Variants in F10 observed in about 807,000 individuals in gnomAD.
F10 encodes the protein Stuart-Prower factor.
A neutral mutation model predicts 37.1 loss-of-function variants in F10; 29 were observed. The ratio of observed to expected loss-of-function variants is 0.78; its 90% confidence interval spans 0.58 to 1.07. The LOEUF (loss-of-function observed/expected upper bound fraction) is 1.07, where lower values mean the gene tolerates loss of function less well. Among genes scored for constraint, F10 ranks in the 50% least tolerant of loss-of-function variants. The pLI is 0.00. For synonymous variants in F10, 262 were observed against 268.6 expected, an observed-to-expected ratio of 0.98 and a Z score of 0.24; for missense variants, 539 against 667.9, an observed-to-expected ratio of 0.81 and a Z score of 2.13.
intron 7 of F10, 85 bp downstream of exon 7, chr13:113,147,581 G>C: frequency 1.2e-6 from 1 of 869,078 alleles, no homozygotes; most frequent in South Asian, 1.3e-5. Context: ...GATGGAATTT[G>C]TTGGGAACAC....
rs3211786 is a variant in F10, at chr13:113,144,848, G to A, written c.747+753G>A. Among the ~76,000 whole-genome samples, 601 of 150,806 alleles carry A rather than the reference G, an allele frequency of 4.0e-3. 4 individuals are homozygous for A. Among genetic ancestry groups the A allele is most frequent in the African/African-American group, 0.014 (585 of 40,922 alleles). ...CATGCCTCAGACTCCCAAGTAGCTG[G>A]AATTACGGGCGCCCGCTACTTACGC... On this transcript the variant is annotated intron_variant, in intron 6 of 7. Coordinates refer to ENST00000375559, the MANE Select transcript of F10 (RefSeq NM_000504.4). The surrounding 1 kb of genome is among the most constrained non-coding windows in gnomAD (Gnocchi z 6.4).
chr13:113,124,748 T>C (rs970209389), intron 1 of F10, among the ~76,000 whole-genome samples: 2 of 152,264 alleles, frequency 1.3e-5, no homozygotes, highest in Non-Finnish European at 2.9e-5. Flanking sequence ...CTGGTACTGC[T>C]ACAAGAAAGG....
chr13:113,143,699 A>ATTAATGT lies in F10; in HGVS notation c.503-152_503-151insTTAATGT. The ATTAATGT allele has an allele frequency of 8.3e-7, 1 of 1,203,578 alleles. No individual in the cohort carries two copies. Among genetic ancestry groups the ATTAATGT allele is most frequent in the South Asian group, 1.4e-5 (1 of 71,414 alleles). 74.6% of individuals were successfully genotyped at this position (1,203,578 alleles called of 1,614,324 possible). ...CCTGCAGATCCGACCCCTGCCGACG[A>ATTAATGT]CGTGGGGCCTCGCCCTGCAAGCCCG... On this transcript the variant is annotated intron_variant, in intron 5 of 7. Transcript: ENST00000375559. This position sits in a 1 kb window ranked among gnomAD's most constrained non-coding sequence, Gnocchi z 6.8.
chr13:113,123,308 A>G (rs115180823), intron 1 of F10, among the ~76,000 whole-genome samples: 2,827 of 152,316 alleles, frequency 0.019, 81 homozygotes, highest in African/African-American at 0.065. Flanking sequence ...ACAGTTAGCC[A>G]TCTGCCACCA....
rs1240507833 is a variant in F10 at position 113,149,453 on chromosome 13, C to T, written c.1403C>T (p.Thr468Ile). The change falls in exon 8 of 8, where the codon ACC becomes ATC. Residue 468 changes from threonine to isoleucine, a missense_variant. Coordinates refer to ENST00000375559, the MANE Select transcript of F10 (RefSeq NM_000504.4). This position sits in a 1 kb window ranked among gnomAD's most constrained non-coding sequence, Gnocchi z 7.5. The stretch of plus-strand genomic sequence containing the variant: ...AAGTGGATCGACAGGTCCATGAAAA[C>T]CAGGGGCTTGCCCAAGGCCAAGAGC... ...FLKWIDRSMK[T>I]RGLPKAKSHA... 5 of 1,613,376 alleles carry T rather than the reference C, an allele frequency of 3.1e-6. No individual in the cohort carries two copies. The highest frequency in any genetic ancestry group is 4.2e-6 in the Non-Finnish European group (5 of 1,179,988).
At chr13:113,147,638 C>A (rs952338802) in intron 7 of F10, 142 bp downstream of exon 7, 1 of 671,464 alleles carries the variant, frequency 1.5e-6, no homozygotes, top group Non-Finnish European at 2.7e-6. Flanking sequence ...GGGCATTTCA[C>A]AGAGGAAGAA....
In F10 at chr13:113,142,492, C is replaced by G. The variant is rs1447842108; in HGVS notation, c.503-1359C>G. 5.1e-5 allele frequency among the ~76,000 whole-genome samples: 7 copies of G among 137,342 alleles called. 2 individuals are homozygous for G. The highest frequency in any genetic ancestry group is 1.1e-4 in the Non-Finnish European group (7 of 62,902). 90.1% of individuals were successfully genotyped at this position (137,342 alleles called of 152,430 possible). ...GTGAACCTGGAAGGCGGAGCTTGCA[C>G]TGAGCACTGAGCCGAGATTGCGCCA... On this transcript the variant is annotated intron_variant, in intron 5 of 7. Coordinates refer to ENST00000375559, the MANE Select transcript of F10 (RefSeq NM_000504.4).
chr13:113,144,134 C>G lies in F10; in HGVS notation c.747+39C>G. 1 of 1,612,026 alleles carries G rather than the reference C, an allele frequency of 6.2e-7. No homozygotes were observed. The highest frequency in any genetic ancestry group is 8.5e-7 in the Non-Finnish European group (1 of 1,179,862). ...GTCCCCTCGGGCCTGCTGGAGAGAC[C>G]ACCTGTCCCGCTGTGCACCTCGGGG... is the stretch of plus-strand genomic sequence containing the variant. On this transcript the variant is annotated intron_variant, in intron 6 of 7. Coordinates refer to ENST00000375559, the MANE Select transcript of F10 (RefSeq NM_000504.4). This position sits in a 1 kb window ranked among gnomAD's most constrained non-coding sequence, Gnocchi z 6.4.
chr13:113,133,056 T>C (rs1180953202), intron 2 of F10, among the ~76,000 whole-genome samples: 2 of 152,144 alleles, frequency 1.3e-5, no homozygotes, highest in African/African-American at 4.8e-5. Flanking sequence ...CAAAAATGAA[T>C]ATGTAACATA....
At chr13:113,133,569 G>A (rs988313214) in intron 2 of F10, among the ~76,000 whole-genome samples, 4 of 152,076 alleles carry the variant, frequency 2.6e-5, no homozygotes, top group African/African-American at 9.7e-5. Context: ...TAATGTTCAG[G>A]TACAGATGGT....
At position 113,147,432 on chromosome 13, in the gene F10, C is replaced by T. The variant is rs1390103409; in HGVS notation, c.801C>T (p.Ser267=). 14 of 1,613,786 alleles carry T rather than the reference C, an allele frequency of 8.7e-6. No homozygotes were observed. The highest frequency in any genetic ancestry group is 6.7e-5 in the East Asian group (3 of 44,894). Residue 267 remains serine, a synonymous_variant, in exon 7 of 8, where the codon AGC becomes AGT. Transcript: ENST00000375559. ...GTTTCTGTGGTGGAACCATTCTGAG[C>T]GAGTTCTACATCCTAACGGCAGCCC... is the stretch of plus-strand genomic sequence containing the variant. ...NEGFCGGTIL[S]EFYILTAAHC...
Position 113,149,013 on chromosome 13 carries a change from C to T in F10, c.963C>T (p.Phe321=), listed in dbSNP as rs148209958. 39 of 1,613,408 alleles carry T rather than the reference C, an allele frequency of 2.4e-5. No individual in the cohort carries two copies. Among genetic ancestry groups the T allele is most frequent in the African/African-American group, 6.7e-5 (5 of 74,886 alleles). The change falls in exon 8 of 8, where the codon TTC becomes TTT. Residue 321 remains phenylalanine, a synonymous_variant. Coordinates refer to ENST00000375559, the MANE Select transcript of F10 (RefSeq NM_000504.4). This position sits in a 1 kb window ranked among gnomAD's most constrained non-coding sequence, Gnocchi z 7.5. ...GGTTCACAAAGGAGACCTATGACTT[C>T]GACATCGCCGTGCTCCGGCTCAAGA... ...HNRFTKETYD[F]DIAVLRLKTP...
At chr13:113,123,636 A>G (rs758316967) in intron 1 of F10, among the ~76,000 whole-genome samples, 1 of 152,190 alleles carries the variant, frequency 6.6e-6, no homozygotes, top group Non-Finnish European at 1.5e-5. Context: ...AAGGGGACCC[A>G]GGCCTGGGAA....
In F10 at chr13:113,127,409, T is replaced by C. The variant is rs547377929; in HGVS notation, c.71-2043T>C. On this transcript the variant is annotated intron_variant, in intron 1 of 7. Transcript: ENST00000375559. ...GAGTTATCTTTATTGTAGTGAGACATTGAATTTTTCAGTGGAAAAAAAGCA... is the reference window on the plus strand; with the variant it reads ...GAGTTATCTTTATTGTAGTGAGACACTGAATTTTTCAGTGGAAAAAAAGCA... Among the ~76,000 whole-genome samples the C allele has an allele frequency of 3.4e-3, 525 of 152,234 alleles. 2 individuals carry two copies. Among genetic ancestry groups the C allele is most frequent in the Middle Eastern group, 6.8e-3 (2 of 294 alleles).
Position 113,141,998 on chromosome 13 carries a change from T to A in F10, c.502+948T>A, listed in dbSNP as rs1479898684. On this transcript the variant is annotated intron_variant, in intron 5 of 7. Coordinates refer to ENST00000375559, the MANE Select transcript of F10 (RefSeq NM_000504.4). This position sits in a 1 kb window ranked among gnomAD's most constrained non-coding sequence, Gnocchi z 5.4. ...GTGTTCTGTCACTCTTCCTTTCATA[T>A]CCTTCTTACCGAAAACAATTTACTT... Among the ~76,000 whole-genome samples, 4 of 152,152 alleles carry A rather than the reference T, an allele frequency of 2.6e-5. No homozygotes were observed. Among genetic ancestry groups the A allele is most frequent in the Non-Finnish European group, 5.9e-5 (4 of 68,036 alleles).
At position 113,139,879 on chromosome 13, in the gene F10, G is replaced by A. The variant is rs2036511430; in HGVS notation, c.370+409G>A. Among the ~76,000 whole-genome samples, 1 of 152,058 alleles carries A rather than the reference G, an allele frequency of 6.6e-6. No homozygotes were observed. Among genetic ancestry groups the A allele is most frequent in the African/African-American group, 2.4e-5 (1 of 41,398 alleles). On this transcript the variant is annotated intron_variant, in intron 4 of 7. Coordinates refer to ENST00000375559, the MANE Select transcript of F10 (RefSeq NM_000504.4). This position sits in a 1 kb window ranked among gnomAD's most constrained non-coding sequence, Gnocchi z 5.2. ...CTCTTATTTATGTGTATGGATGCAGGTGTCAATATTTGTGAATATTTGTGA... is the reference window on the plus strand; with the variant it reads ...CTCTTATTTATGTGTATGGATGCAGATGTCAATATTTGTGAATATTTGTGA...
rs751610729 is a variant in F10 at position 113,149,154 on chromosome 13, C to G, written c.1104C>G (p.His368Gln). ...TTGTGAGCGGCTTCGGGCGCACCCA[C>G]GAGAAGGGCCGGCAGTCCACCAGGC... ...TGIVSGFGRT[H>Q]EKGRQSTRLK... Residue 368 changes from histidine (H) to glutamine (Q), a missense_variant, in exon 8 of 8, where the codon CAC becomes CAG. Physicochemically the swap from His to Gln is conservative, Grantham distance 24 (BLOSUM62 0). Around this residue, in one of 2 missense-constraint regions of F10, gnomAD observed 409 missense variants for 547.9 expected, o/e 0.75. Coordinates refer to ENST00000375559, the MANE Select transcript of F10 (RefSeq NM_000504.4). This position sits in a 1 kb window ranked among gnomAD's most constrained non-coding sequence, Gnocchi z 7.5. The G allele has an allele frequency of 6.2e-7, 1 of 1,612,844 alleles. No individual in the cohort carries two copies. The highest frequency in any genetic ancestry group is 8.5e-7 in the Non-Finnish European group (1 of 1,180,002).
Position 113,139,252 on chromosome 13 carries a change from T to C in F10, c.257-105T>C. 1 of 859,842 alleles carries C rather than the reference T, an allele frequency of 1.2e-6. No homozygotes were observed. The highest frequency in any genetic ancestry group is 1.9e-6 in the Non-Finnish European group (1 of 520,148). 53.3% of individuals were successfully genotyped at this position (859,842 alleles called of 1,614,324 possible). On this transcript the variant is annotated intron_variant, in intron 3 of 7. Transcript: ENST00000375559. This position sits in a 1 kb window ranked among gnomAD's most constrained non-coding sequence, Gnocchi z 5.2. ...GTTGTTTACAGAGAAACCGGAAGACTCTTCCAGTTATCTGAACGGCAGGGC... is the reference window on the plus strand; with the variant it reads ...GTTGTTTACAGAGAAACCGGAAGACCCTTCCAGTTATCTGAACGGCAGGGC...
chr13:113,129,667 C>G (rs1368998764), intron 2 of F10, 55 bp downstream of exon 2: 3 of 1,608,290 alleles, frequency 1.9e-6, no homozygotes, highest in Non-Finnish European at 2.6e-6. Flanking sequence ...ACAGCGCCCT[C>G]GCTGGCCCCG....
Sources: gnomAD v4.1 joint callset for allele counts (sites outside exome capture counted in the v4.1 genomes callset) on GRCh38, gnomAD v4.1.1 for gene constraint, gnomAD v4.1.1 regional missense constraint, Gnocchi (gnomAD v3.1) non-coding constraint, MANE v1.5 for transcripts, NCBI Gene and HGNC (gene_info 2026-07-23, HGNC 2026-07-21) for gene names.